The following DHRS12 variants were observed in gnomAD, a reference collection of about 807,000 sequenced individuals.
DHRS12 encodes the protein dehydrogenase/reductase SDR family member 12.
A neutral mutation model predicts 32.1 loss-of-function variants in DHRS12; 29 were observed. The ratio of observed to expected loss-of-function variants is 0.90; its 90% confidence interval spans 0.67 to 1.23. The LOEUF (loss-of-function observed/expected upper bound fraction) is 1.23, where lower values mean the gene tolerates loss of function less well. DHRS12 is among the 50% of genes most tolerant of loss of function. The pLI, the probability that DHRS12 is intolerant of heterozygous loss-of-function variation, is 0.00. For missense variants in DHRS12, 330 were observed against 337.2 expected (o/e 0.98, Z 0.17); for synonymous variants, 150 against 135.9 (o/e 1.10, Z -0.72).
At chr13:51,756,383 C>A in the DHRS12 span, 2 of 1,613,984 alleles carry the variant, frequency 1.2e-6, no homozygotes, top group Admixed American at 1.7e-5. Context: ...CAGCTCCAAG[C>A]GCTCCTCCAT....
intron 2 of DHRS12, 74 bp from the exon 3 acceptor site, chr13:51,791,331 T>G (rs1955261168): frequency 3.3e-6 from 3 of 912,446 alleles, no homozygotes; most frequent in Non-Finnish European, 3.2e-6. Context: ...TTTAAAAAAG[T>G]ATACGGTTTT....
chr13:51,779,174 C>T (rs1000105221), intron 4 of DHRS12, among the ~76,000 whole-genome samples: 3 of 152,142 alleles, frequency 2.0e-5, no homozygotes, highest in Admixed American at 2.0e-4. Context: ...CCTTGCCCAG[C>T]TCACACAGAT....
downstream of DHRS12, chr13:51,764,098 G>A (rs567437394): frequency 2.6e-5 from 4 of 152,266 alleles, no homozygotes; most frequent in South Asian, 8.3e-4. Context: ...TAACTTGATT[G>A]GAAAACACAG....
chr13:51,775,646 AGTATTCTCCTACAT>A (rs1380442802), intron 5 of DHRS12: 1 of 7,626 alleles, frequency 1.3e-4, no homozygotes, highest in African/African-American at 7.5e-4. Flanking sequence ...TGTATTCTAC[AGTATTCTCCTACAT>A]GTATTCTCCT....
intron 4 of DHRS12, chr13:51,789,575 T>C: frequency 7.1e-6 from 7 of 985,450 alleles, no homozygotes; most frequent in Non-Finnish European, 8.4e-6. Flanking sequence ...TTCACTCTGC[T>C]ATTACAGAGT....
At chr13:51,755,367 T>A in the DHRS12 span, 2 of 1,614,104 alleles carry the variant, frequency 1.2e-6, no homozygotes, top group Non-Finnish European at 1.7e-6. Flanking sequence ...GACCCCTGAA[T>A]GGTTGGACAG....
the DHRS12 span, among the ~76,000 whole-genome samples, chr13:51,757,243 A>C: frequency 6.6e-6 from 1 of 152,184 alleles, no homozygotes; most frequent in Non-Finnish European, 1.5e-5. Context: ...TTTTCTACTC[A>C]TCATACGTGA....
chr13:51,786,163 C>A (rs563792466), intron 4 of DHRS12, among the ~76,000 whole-genome samples: 1 of 152,350 alleles, frequency 6.6e-6, no homozygotes, highest in East Asian at 1.9e-4. Flanking sequence ...CTAAGGTGAA[C>A]TTCCTCGCCT....
downstream of DHRS12, chr13:51,766,472 G>C (rs1156344420): frequency 2.0e-5 from 3 of 152,208 alleles, no homozygotes; most frequent in South Asian, 4.1e-4. Context: ...GTCAGGCTGA[G>C]AATGTAATAA....
chr13:51,776,564 G>T lies in DHRS12; in HGVS notation c.363+496C>A, dbSNP rs1954413992. ...ACATAGTCACAGGTTCTAGGATAAGGATATGAACTTTCGGGTCGGGGGTGG... is the reference window on the plus strand; with the variant it reads ...ACATAGTCACAGGTTCTAGGATAAGTATATGAACTTTCGGGTCGGGGGTGG... On this transcript the variant is annotated intron_variant, in intron 5 of 8. Transcript: ENST00000444610. 4.1e-5 allele frequency: 7 copies of T among 168,726 alleles called. No homozygotes were observed. The South Asian group carries it at 9.3e-4, about 23-fold the overall frequency. The allele number at this position is 168,726 out of a possible 1,614,324, so 10.5% of individuals were successfully genotyped here. A position where few individuals can be genotyped will look rare whatever the true frequency, so the allele number is the denominator to read the frequency against.
chr13:51,776,963 GCCC>G, intron 5 of DHRS12, 94 bp downstream of exon 5: 1 of 1,371,220 alleles, frequency 7.3e-7, no homozygotes, highest in Non-Finnish European at 1.0e-6. Flanking sequence ...GGACAGAATG[GCCC>G]CCTTAGGGCA....
chr13:51,771,528 C>T (rs769637625), intron 7 of DHRS12: 1 of 1,612,484 alleles, frequency 6.2e-7, no homozygotes, highest in Non-Finnish European at 8.5e-7. Context: ...CACCGGCTCC[C>T]TCTCTCACCA....
chr13:51,804,119 G>C lies in DHRS12; in HGVS notation c.-74C>G, dbSNP rs927349001. ...TGCGGTACAGGGACATGCCGGGAGC[G>C]CCCCACGCCTAGCCCCACCGCGCTC... On this transcript the variant is annotated 5_prime_UTR_variant, in exon 1 of 9. Transcript: ENST00000444610. The C allele has an allele frequency of 4.9e-5, 73 of 1,482,220 alleles. 2 individuals carry two copies. The East Asian group carries it at 2.0e-3, about 41-fold the overall frequency. The allele number at this position is 1,482,220 out of a possible 1,614,324, so 91.8% of individuals were successfully genotyped here.
intron 1 of DHRS12, 94 bp downstream of exon 1, chr13:51,803,960 G>A (rs1445906725): frequency 1.7e-6 from 2 of 1,185,222 alleles, no homozygotes; most frequent in Non-Finnish European, 2.2e-6. Context: ...AGAGGGCGAA[G>A]GAGCCGCGGG....
the DHRS12 span, chr13:51,758,361 A>G: frequency 7.8e-7 from 1 of 1,288,274 alleles, no homozygotes; most frequent in Non-Finnish European, 1.1e-6. Context: ...ATACAGGAGC[A>G]CCAAGAACAT....
chr13:51,771,558 G>C, intron 7 of DHRS12: 1 of 1,594,212 alleles, frequency 6.3e-7, no homozygotes, highest in East Asian at 2.2e-5. Context: ...GTAGTTAGCA[G>C]GGCGCCCCAG....
chr13:51,761,346 A>T, the DHRS12 span: 1 of 152,144 alleles, frequency 6.6e-6, no homozygotes, highest in African/African-American at 2.4e-5. Flanking sequence ...TAAAAATCTT[A>T]TTTTCACCTG....
intron 6 of DHRS12, among the ~76,000 whole-genome samples, 198 bp from the exon 7 acceptor site, chr13:51,772,109 A>G (rs1369619017): frequency 6.6e-6 from 1 of 152,094 alleles, no homozygotes; most frequent in Non-Finnish European, 1.5e-5. Context: ...ACCCACTCCA[A>G]AGGAGGCCAG....
the DHRS12 span, chr13:51,756,757 G>T: frequency 1.7e-6 from 1 of 586,760 alleles, no homozygotes; most frequent in Non-Finnish European, 2.1e-6. Flanking sequence ...TCATTTACTT[G>T]AGAATTACCC....
Sources: gnomAD v4.1 joint callset for allele counts (sites outside exome capture counted in the v4.1 genomes callset) on GRCh38, gnomAD v4.1.1 for gene constraint, MANE v1.5 for transcripts, NCBI Gene and HGNC (gene_info 2026-07-23, HGNC 2026-07-21) for gene names.